Variants in TBC1D22A observed in about 807,000 individuals in gnomAD.
TBC1D22A encodes TBC1 domain family member 22A, also known as putative GTPase activator.
In TBC1D22A, 38 loss-of-function variants were observed where a neutral mutation model predicts 60.2. That is an observed-to-expected ratio of 0.63 (90% confidence interval 0.49 to 0.83). The LOEUF is 0.83. Ranked by LOEUF, TBC1D22A falls within the 40% of genes least tolerant of loss-of-function variation. The probability of loss-of-function intolerance (pLI) is 0.00; values close to 1 mark genes in which losing one functional copy is unlikely to be tolerated. For missense variants in TBC1D22A, 628 were observed against 701.0 expected, an observed-to-expected ratio of 0.90 and a Z score of 1.18; for synonymous variants, 302 against 281.7, an observed-to-expected ratio of 1.07 and a Z score of -0.72.
At chr22:47,169,026 G>A (rs962393432) in intron 12 of TBC1D22A, among the ~76,000 whole-genome samples, 8 of 152,120 alleles carry the variant, frequency 5.3e-5, no homozygotes, top group African/African-American at 1.2e-4. Context: ...GTTGGAACCC[G>A]CCCGGGGCAG....
intron 11 of TBC1D22A, among the ~76,000 whole-genome samples, chr22:47,084,989 A>G (rs1020862666): frequency 1.3e-5 from 2 of 152,232 alleles, no homozygotes; most frequent in African/African-American, 4.8e-5. Context: ...TATTAAAAAA[A>G]TATTTTGAGG....
chr22:47,092,632 C>T lies in TBC1D22A; in HGVS notation c.1330-18876C>T, dbSNP rs549467898. ...CCTGTGGACATGCCCACCGGCGGGC[C>T]TCACAAGTCATTGCAGGGCTGGGGA... On this transcript the variant is annotated intron_variant, in intron 11 of 12. Transcript: ENST00000337137. 1.7e-3 allele frequency among the ~76,000 whole-genome samples: 253 copies of T among 152,280 alleles called. 1 individual carries two copies. The highest frequency in any genetic ancestry group is 5.9e-3 in the African/African-American group (244 of 41,568).
chr22:47,085,510 T>C (rs2064645509), intron 11 of TBC1D22A, among the ~76,000 whole-genome samples: 1 of 152,108 alleles, frequency 6.6e-6, no homozygotes, highest in Non-Finnish European at 1.5e-5. Context: ...GGATTAGAAG[T>C]AAAATGCTGG....
At chr22:46,821,389 A>C (rs76666200) in intron 4 of TBC1D22A, among the ~76,000 whole-genome samples, 1 of 151,332 alleles carries the variant, frequency 6.6e-6, no homozygotes, top group African/African-American at 2.4e-5. Flanking sequence ...TTTCCTTTCC[A>C]TATTTAGTGC....
At chr22:46,826,299 G>A (rs1191518318) in intron 4 of TBC1D22A, among the ~76,000 whole-genome samples, 13 of 152,164 alleles carry the variant, frequency 8.5e-5, no homozygotes, top group East Asian at 1.9e-4. Flanking sequence ...TTTCCTGGCC[G>A]CCCCTGTTCT....
At chr22:46,998,027 G>A (rs960293791) in intron 10 of TBC1D22A, among the ~76,000 whole-genome samples, 3 of 152,028 alleles carry the variant, frequency 2.0e-5, no homozygotes, top group Admixed American at 1.3e-4. Context: ...GTGGTCCTTC[G>A]GTACTCTGTT....
intron 9 of TBC1D22A, among the ~76,000 whole-genome samples, chr22:46,995,448 A>G (rs1199983645): frequency 6.6e-6 from 1 of 152,158 alleles, no homozygotes; most frequent in Non-Finnish European, 1.5e-5. Flanking sequence ...GTTCTGTGCC[A>G]CAGTGGCTGC....
intron 8 of TBC1D22A, among the ~76,000 whole-genome samples, chr22:46,929,857 C>T (rs1457618377): frequency 6.6e-6 from 1 of 152,142 alleles, no homozygotes; most frequent in African/African-American, 2.4e-5. Context: ...ATGTGCCCAA[C>T]GGTCCCCTGG....
At chr22:47,011,390 T>C (rs1230910000) in intron 10 of TBC1D22A, among the ~76,000 whole-genome samples, 1 of 152,236 alleles carries the variant, frequency 6.6e-6, no homozygotes, top group Non-Finnish European at 1.5e-5. Flanking sequence ...GCCCACCTCA[T>C]GACCCTGAGA....
At chr22:46,973,326 C>T (rs376838920) in intron 8 of TBC1D22A, among the ~76,000 whole-genome samples, 6 of 152,176 alleles carry the variant, frequency 3.9e-5, no homozygotes, top group Admixed American at 6.5e-5. Context: ...CGCTGTTGTC[C>T]GGGGCTCAAG....
At chr22:47,041,020 CG>C (rs1429490717) in intron 11 of TBC1D22A, among the ~76,000 whole-genome samples, 1 of 152,120 alleles carries the variant, frequency 6.6e-6, no homozygotes, top group Non-Finnish European at 1.5e-5. Context: ...GTGCAGGTGG[CG>C]GGGGACTCGC....
intron 8 of TBC1D22A, among the ~76,000 whole-genome samples, chr22:46,916,513 C>T (rs532331720): frequency 6.6e-6 from 1 of 152,350 alleles, no homozygotes; most frequent in South Asian, 2.1e-4. Flanking sequence ...TGCTCTTGCA[C>T]ACACACATGC....
chr22:46,823,277 G>A (rs1437814423), intron 4 of TBC1D22A, among the ~76,000 whole-genome samples: 2 of 152,166 alleles, frequency 1.3e-5, no homozygotes, highest in Non-Finnish European at 2.9e-5. Flanking sequence ...TTTATTCAAA[G>A]GTGTGATATA....
intron 8 of TBC1D22A, chr22:46,913,500 A>T (rs771456807): frequency 6.1e-6 from 8 of 1,305,070 alleles, no homozygotes; most frequent in African/African-American, 1.5e-5. Flanking sequence ...GTGATTTCAT[A>T]GGAGGTTGTC....
At chr22:47,095,583 G>C (rs1215023575) in intron 11 of TBC1D22A, among the ~76,000 whole-genome samples, 14 of 151,910 alleles carry the variant, frequency 9.2e-5, no homozygotes, top group Admixed American at 8.5e-4. Flanking sequence ...GTGTAGTGCA[G>C]TGTTAAGAGA....
intron 11 of TBC1D22A, among the ~76,000 whole-genome samples, chr22:47,056,079 G>A (rs1043630062): frequency 6.6e-6 from 1 of 152,130 alleles, no homozygotes; most frequent in African/African-American, 2.4e-5. Context: ...GCACACATCA[G>A]CGACTGCCCT....
rs186424041 is a variant in TBC1D22A at position 46,942,827 on chromosome 22, C to G, written c.1015+30639C>G. Among the ~76,000 whole-genome samples the G allele has an allele frequency of 2.6e-4, 39 of 152,296 alleles. No homozygotes were observed. In the East Asian group the frequency reaches 7.1e-3, roughly 28 times the overall value. On this transcript the variant is annotated intron_variant, in intron 8 of 12. Transcript: ENST00000337137. ...AAAATCAATTTAATTACTTATGAAA[C>G]TTTTCCTTAAGGGTGAATGAATTAG...
chr22:46,865,435 AG>A (rs1313337248), intron 4 of TBC1D22A, among the ~76,000 whole-genome samples: 1 of 152,230 alleles, frequency 6.6e-6, no homozygotes, highest in African/African-American at 2.4e-5. Context: ...GCGTAGGTTG[AG>A]CATCCATAAT....
intron 5 of TBC1D22A, among the ~76,000 whole-genome samples, chr22:46,890,618 C>T (rs1299938157): frequency 6.6e-6 from 1 of 152,042 alleles, no homozygotes. Context: ...AAAGTAGAAA[C>T]AAGGCAACAG....
Sources: gnomAD v4.1 joint callset for allele counts (sites outside exome capture counted in the v4.1 genomes callset) on GRCh38, gnomAD v4.1.1 for gene constraint, MANE v1.5 for transcripts, NCBI Gene and HGNC (gene_info 2026-07-23, HGNC 2026-07-21) for gene names.